The following GNG12 variants were observed in gnomAD, a reference collection of about 807,000 sequenced individuals.
GNG12 encodes guanine nucleotide-binding protein G(I)/G(S)/G(O) subunit gamma-12.
For synonymous variants in GNG12, 28 were observed against 29.7 expected (o/e 0.94, Z 0.19); for missense variants, 69 against 83.8 (o/e 0.82, Z 0.69).
At chr1:67,771,843 C>T (rs1315146264) in intron 2 of GNG12, among the ~76,000 whole-genome samples, 4 of 152,200 alleles carry the variant, frequency 2.6e-5, no homozygotes, top group Admixed American at 1.3e-4. Flanking sequence ...GCACTTAGCA[C>T]AGAGCCTGGC....
intron 2 of GNG12, among the ~76,000 whole-genome samples, chr1:67,729,051 A>G (rs1230894914): frequency 1.3e-5 from 2 of 152,132 alleles, no homozygotes; most frequent in African/African-American, 4.8e-5. Context: ...GCTACCCTGG[A>G]CTGCTCTCAT....
intron 2 of GNG12, among the ~76,000 whole-genome samples, chr1:67,766,061 CAAT>C (rs1231592165): frequency 1.3e-5 from 2 of 149,652 alleles, no homozygotes; most frequent in Non-Finnish European, 3.0e-5. Context: ...CCTAAGTTTA[CAAT>C]AATATCTCAA....
At chr1:67,747,990 C>T (rs1382688262) in intron 2 of GNG12, among the ~76,000 whole-genome samples, 1 of 152,212 alleles carries the variant, frequency 6.6e-6, no homozygotes, top group Non-Finnish European at 1.5e-5. Flanking sequence ...GTTCTATTCA[C>T]TGGGGCAAAG....
chr1:67,791,865 C>T lies in GNG12; in HGVS notation c.-76-14358G>A, dbSNP rs143423585. Among the ~76,000 whole-genome samples the T allele has an allele frequency of 3.4e-4, 52 of 152,318 alleles. No homozygotes were observed. The East Asian group carries it at 3.5e-3, about 10-fold the overall frequency. On this transcript the variant is annotated intron_variant, in intron 1 of 3. Transcript: ENST00000370982. ...TCAGCATACTTAACACACTTACTCACGTCCACTCCTTGGCCCATCAGCAGC... is the reference window on the plus strand; with the variant it reads ...TCAGCATACTTAACACACTTACTCATGTCCACTCCTTGGCCCATCAGCAGC...
rs56084524 is a variant in GNG12 at position 67,787,036 on chromosome 1, AGTGTGTGTGTGTGTGT to A, written c.-76-9545_-76-9530del. Among the ~76,000 whole-genome samples the A allele has an allele frequency of 1.3e-4, 17 of 131,366 alleles. 1 individual carries two copies. In the Admixed American group the frequency reaches 1.3e-3, roughly 10 times the overall value. The allele number at this position is 131,366 out of a possible 152,430, so 86.2% of individuals were successfully genotyped here. ...GTGTGTGTATATATGTATGTGTATA[AGTGTGTGTGTGTGTGT>A]GTGTGTGTGTGTGTGTGTATAGTCC... On this transcript the variant is annotated intron_variant, in intron 1 of 3. Coordinates refer to ENST00000370982, the MANE Select transcript of GNG12 (RefSeq NM_018841.6).
intron 1 of GNG12, among the ~76,000 whole-genome samples, chr1:67,778,608 A>G (rs919741498): frequency 1.3e-5 from 2 of 152,112 alleles, no homozygotes; most frequent in Non-Finnish European, 2.9e-5. Flanking sequence ...ACCCCAATTA[A>G]ACGTCACAAT....
At chr1:67,707,571 G>T in intron 3 of GNG12, 23 bp downstream of exon 3, 1 of 1,222,364 alleles carries the variant, frequency 8.2e-7, no homozygotes, top group Non-Finnish European at 1.2e-6. Context: ...GAAAGCATAT[G>T]TTATCCAGTC....
chr1:67,765,210 C>T (rs1646628588), intron 2 of GNG12, among the ~76,000 whole-genome samples: 1 of 152,086 alleles, frequency 6.6e-6, no homozygotes, highest in Non-Finnish European at 1.5e-5. Context: ...AGGGAAACAG[C>T]CCCCAGTAGG....
rs145575452 is a variant in GNG12 at position 67,709,050 on chromosome 1, G to T, written c.-26-1338C>A. Among the ~76,000 whole-genome samples, 10 of 152,352 alleles carry T rather than the reference G, an allele frequency of 6.6e-5. 1 individual carries two copies. The highest frequency in any genetic ancestry group is 1.9e-4 in the African/African-American group (8 of 41,592). Reference sequence around the variant, plus strand: ...CCCAAAGGCCGAGTTCTACGACTTGGGTAGGGCTTGTAGCCTCTGTGGTCA... The same window carrying T: ...CCCAAAGGCCGAGTTCTACGACTTGTGTAGGGCTTGTAGCCTCTGTGGTCA... On this transcript the variant is annotated intron_variant, in intron 2 of 3. Coordinates refer to ENST00000370982, the MANE Select transcript of GNG12 (RefSeq NM_018841.6).
chr1:67,719,562 T>C (rs1266243607), intron 2 of GNG12, among the ~76,000 whole-genome samples: 2 of 152,224 alleles, frequency 1.3e-5, no homozygotes, highest in African/African-American at 4.8e-5. Flanking sequence ...TAATTGTATG[T>C]TATTTAGTGC....
chr1:67,832,255 A>T (rs1328336500), intron 1 of GNG12: 5 of 152,224 alleles, frequency 3.3e-5, no homozygotes, highest in Non-Finnish European at 7.3e-5. Context: ...ACGTGGGCGC[A>T]GGAACCTCCC....
At chr1:67,791,884 C>T (rs1435099647) in intron 1 of GNG12, among the ~76,000 whole-genome samples, 1 of 152,192 alleles carries the variant, frequency 6.6e-6, no homozygotes, top group Non-Finnish European at 1.5e-5. Context: ...CTTGGCCCAT[C>T]AGCAGCTATG....
At chr1:67,739,585 G>A (rs1020359460) in intron 2 of GNG12, among the ~76,000 whole-genome samples, 1 of 152,192 alleles carries the variant, frequency 6.6e-6, no homozygotes, top group Non-Finnish European at 1.5e-5. Flanking sequence ...TTTTGAAAGT[G>A]GTGTTCATGA....
At chr1:67,819,884 C>A (rs964304163) in intron 1 of GNG12, among the ~76,000 whole-genome samples, 1 of 152,178 alleles carries the variant, frequency 6.6e-6, no homozygotes, top group Non-Finnish European at 1.5e-5. Context: ...GCTCTCAGCT[C>A]AAATGTCCCC....
At chr1:67,717,667 C>T (rs1378615650) in intron 2 of GNG12, among the ~76,000 whole-genome samples, 1 of 152,160 alleles carries the variant, frequency 6.6e-6, no homozygotes, top group Non-Finnish European at 1.5e-5. Flanking sequence ...TACTTCTTTG[C>T]TACAAAAGCC....
chr1:67,761,789 G>A (rs555446453), intron 2 of GNG12, among the ~76,000 whole-genome samples: 12 of 152,192 alleles, frequency 7.9e-5, no homozygotes, highest in African/African-American at 2.6e-4. Context: ...GCTTTCTGTC[G>A]GGTGAGGGAG....
intron 2 of GNG12, among the ~76,000 whole-genome samples, chr1:67,714,838 T>C (rs927611277): frequency 6.6e-6 from 1 of 152,208 alleles, no homozygotes; most frequent in Non-Finnish European, 1.5e-5. Flanking sequence ...ATGATTGGCA[T>C]CCTTATGAGA....
intron 2 of GNG12, among the ~76,000 whole-genome samples, chr1:67,766,926 T>C (rs1482097490): frequency 6.6e-6 from 1 of 152,190 alleles, no homozygotes; most frequent in Non-Finnish European, 1.5e-5. Flanking sequence ...ACACAGGCAA[T>C]GCCTATTCCC....
intron 2 of GNG12, among the ~76,000 whole-genome samples, chr1:67,719,504 C>T (rs1038113113): frequency 6.6e-6 from 1 of 152,060 alleles, no homozygotes; most frequent in Non-Finnish European, 1.5e-5. Context: ...GATTTATAGC[C>T]ACCGTCAAGC....
Sources: allele counts gnomAD v4.1 joint callset (sites outside exome capture counted in the v4.1 genomes callset), GRCh38; gene constraint gnomAD v4.1.1; transcripts MANE v1.5; gene names NCBI Gene and HGNC (gene_info 2026-07-23, HGNC 2026-07-21).